The following NR2E1 variants were observed in gnomAD, a reference collection of about 807,000 sequenced individuals.
NR2E1 encodes the protein nuclear receptor TLX.
A neutral mutation model predicts 43.6 loss-of-function variants in NR2E1; 5 were observed. The ratio of observed to expected loss-of-function variants is 0.11; its 90% CI spans 0.06 to 0.24. NR2E1 has a LOEUF of 0.24. NR2E1 is among the 10% of genes least tolerant of loss of function. The pLI is 1.00. For synonymous variants in NR2E1, 191 were observed against 195.5 expected, an observed-to-expected ratio of 0.98 and a Z score of 0.19; for missense variants, 287 against 496.7, an observed-to-expected ratio of 0.58 and a Z score of 4.01.
rs1774097702 is a variant in NR2E1, at chr6:108,187,700, T to A, written c.*237T>A. 8.0e-6 allele frequency: 4 copies of A among 498,150 alleles called. No homozygotes were observed. The East Asian group carries it at 1.5e-4, about 18-fold the overall frequency. The allele number at this position is 498,150 out of a possible 1,614,324, so 30.9% of individuals were successfully genotyped here. ...AGGACCGCCTGCACTGAAAACTCACTGCTGCCATGCCCTGGGAGGGGGCAA... is the reference window on the plus strand; with the variant it reads ...AGGACCGCCTGCACTGAAAACTCACAGCTGCCATGCCCTGGGAGGGGGCAA... On this transcript the variant is annotated 3_prime_UTR_variant, in exon 9 of 9. Transcript: ENST00000368986.
chr6:108,169,114 G>T lies in NR2E1; in HGVS notation c.25+2324G>T, dbSNP rs1200207355. 1.3e-5 allele frequency among the ~76,000 whole-genome samples: 2 copies of T among 152,182 alleles called. No individual in the cohort carries two copies. Among genetic ancestry groups the T allele is most frequent in the Admixed American group, 1.3e-4 (2 of 15,282 alleles). ...GCAACGGGGTCAACCAGCTTGTCTC[G>T]TGACCCCAAGTCACCTTAACGTGGC... On this transcript the variant is annotated intron_variant, in intron 1 of 8. Coordinates refer to ENST00000368986, the MANE Select transcript of NR2E1 (RefSeq NM_003269.5). The surrounding 1 kb of genome is among the most constrained non-coding windows in gnomAD (Gnocchi z 6.1).
intron 3 of NR2E1, among the ~76,000 whole-genome samples, chr6:108,175,241 C>G (rs550658741): frequency 1.3e-5 from 2 of 152,246 alleles, no homozygotes; most frequent in African/African-American, 4.8e-5. Flanking sequence ...GTCCTAATCC[C>G]TCTTTGCAGC....
Position 108,171,616 on chromosome 6 carries a change from G to A in NR2E1, c.171+13G>A, listed in dbSNP as rs1773813409. On this transcript the variant is annotated intron_variant, in intron 2 of 8. Coordinates refer to ENST00000368986, the MANE Select transcript of NR2E1 (RefSeq NM_003269.5). ...ATCTGGAAACCAGGTACCTTAGCCA[G>A]GGCTGCACTGCTGGGCTCCGCTCTG... The A allele has an allele frequency of 6.2e-7, 1 of 1,613,960 alleles. No homozygotes were observed. Among genetic ancestry groups the A allele is most frequent in the African/African-American group, 1.3e-5 (1 of 75,064 alleles).
At chr6:108,167,700 C>G (rs1372442092) in intron 1 of NR2E1, among the ~76,000 whole-genome samples, 1 of 152,132 alleles carries the variant, frequency 6.6e-6, no homozygotes, top group Non-Finnish European at 1.5e-5. Context: ...GGGTCTGAGG[C>G]TGGGGACTAC....
chr6:108,177,334 G>C (rs1350766366), intron 4 of NR2E1, among the ~76,000 whole-genome samples: 1 of 152,228 alleles, frequency 6.6e-6, no homozygotes, highest in Non-Finnish European at 1.5e-5. Context: ...ATTTACAGCA[G>C]GGTTGATTCC....
chr6:108,180,269 T>A lies in NR2E1; in HGVS notation c.643-54T>A. The A allele has an allele frequency of 8.9e-7, 1 of 1,125,968 alleles. No homozygotes were observed. Among genetic ancestry groups the A allele is most frequent in the South Asian group, 1.3e-5 (1 of 75,642 alleles). 69.7% of individuals were successfully genotyped at this position (1,125,968 alleles called of 1,614,324 possible). The stretch of plus-strand genomic sequence containing the variant: ...ATGGAAATTTACATAGTGAAATTGT[T>A]TATAAATTTATAAATTACACACTAT... On this transcript the variant is annotated intron_variant, in intron 5 of 8. Coordinates refer to ENST00000368986, the MANE Select transcript of NR2E1 (RefSeq NM_003269.5). The surrounding 1 kb of genome is among the most constrained non-coding windows in gnomAD (Gnocchi z 5.4).
rs1773899828 is a variant in NR2E1 at position 108,176,497 on chromosome 6, C to T, written c.260-6C>T. 6.2e-7 allele frequency: 1 copy of T among 1,612,692 alleles called. No individual in the cohort carries two copies. ...CCGGCATGCGTTTCTCTGTTTGCCT[C>T]TGCAGCCGTGCAGCACGAGCGGGGG... On this transcript the variant is annotated splice_polypyrimidine_tract_variant and splice_region_variant and intron_variant, in intron 3 of 8. Transcript: ENST00000368986.
In NR2E1 at chr6:108,180,948, T is replaced by G. The variant is rs765051399; in HGVS notation, c.881T>G (p.Phe294Cys). 6.2e-7 allele frequency: 1 copy of G among 1,614,180 alleles called. No homozygotes were observed. The highest frequency in any genetic ancestry group is 1.1e-5 in the South Asian group (1 of 91,082). The change falls in exon 7 of 9, where the codon TTC (phenylalanine) becomes TGC (cysteine). Residue 294 changes from phenylalanine (F) to cysteine (C), a missense_variant. This residue lies in a region of NR2E1 where 119 missense variants were observed against 187.0 expected (regional missense o/e 0.64). Coordinates refer to ENST00000368986, the MANE Select transcript of NR2E1 (RefSeq NM_003269.5). The surrounding 1 kb of genome is among the most constrained non-coding windows in gnomAD (Gnocchi z 5.4). ...EFACLKCIVT[F>C]KAVPTHSGSE... ...GCCTGTCTAAAATGCATCGTCACTTTCAAAGCCGGTAAGCAGACACAGACC... is the reference window on the plus strand; with the variant it reads ...GCCTGTCTAAAATGCATCGTCACTTGCAAAGCCGGTAAGCAGACACAGACC...
intron 8 of NR2E1, 151 bp downstream of exon 8, chr6:108,181,802 C>T (rs1199703657): frequency 1.8e-5 from 13 of 711,128 alleles, no homozygotes; most frequent in African/African-American, 3.5e-5. Flanking sequence ...TTACCTATCT[C>T]TCAGGGTGGG....
In NR2E1 at chr6:108,178,406, C is replaced by A. The variant is rs1773934601; in HGVS notation, c.642+165C>A. Reference sequence around the variant, plus strand: ...TTTTACTTGCTTCTTCCTGTGGGTTCAAAATATCTACCTATATGATCCTTA... The same window carrying A: ...TTTTACTTGCTTCTTCCTGTGGGTTAAAAATATCTACCTATATGATCCTTA... On this transcript the variant is annotated intron_variant, in intron 5 of 8. Transcript: ENST00000368986. Among the ~76,000 whole-genome samples the A allele has an allele frequency of 6.6e-5, 10 of 152,202 alleles. No individual in the cohort carries two copies. The South Asian group carries it at 2.1e-3, about 32-fold the overall frequency.
chr6:108,178,751 C>T (rs1773940863), intron 5 of NR2E1: 1 of 217,844 alleles, frequency 4.6e-6, no homozygotes, highest in Non-Finnish European at 9.4e-6. Flanking sequence ...AACCAAAGGG[C>T]ACAGTGCACA....
chr6:108,176,452 T>G (rs902284888), intron 3 of NR2E1, 51 bp from the exon 4 acceptor site: 1 of 1,565,510 alleles, frequency 6.4e-7, no homozygotes, highest in African/African-American at 1.3e-5. Flanking sequence ...GCAGCGGCTG[T>G]GTCTCGACGT....
Position 108,176,604 on chromosome 6 carries a change from C to A in NR2E1, c.361C>A (p.Pro121Thr). Residue 121 changes from proline (P) to threonine (T), a missense_variant, in exon 4 of 9, where the codon CCC becomes ACC. By Grantham distance (38) the Pro-to-Thr change is conservative. Transcript: ENST00000368986. ...GGAGAACGGGGCCGCCGCGCACTTT[C>A]CCTCGGCGGCGCTCCCTGCGCCGGC... Reference protein sequence around the residue: ...KEENGAAAHFPSAALPAPAFF... With the variant: ...KEENGAAAHFTSAALPAPAFF... The A allele has an allele frequency of 6.2e-7, 1 of 1,612,466 alleles. No homozygotes were observed. The highest frequency in any genetic ancestry group is 8.5e-7 in the Non-Finnish European group (1 of 1,179,836).
chr6:108,183,924 G>T (rs1774034034), intron 8 of NR2E1, among the ~76,000 whole-genome samples: 1 of 152,176 alleles, frequency 6.6e-6, no homozygotes. Flanking sequence ...GGGCACAGTG[G>T]CTCACACCTG....
rs1271108087 is a variant in NR2E1, at chr6:108,169,368, T to C, written c.26-2090T>C. ...GCCCCCACCCTGCACTGGTCTTCCC[T>C]CCACCCTCATCGGGTTCTCCAGAGA... On this transcript the variant is annotated intron_variant, in intron 1 of 8. Transcript: ENST00000368986. The surrounding 1 kb of genome is among the most constrained non-coding windows in gnomAD (Gnocchi z 6.1). Among the ~76,000 whole-genome samples the C allele has an allele frequency of 6.6e-6, 1 of 152,158 alleles. No homozygotes were observed. The highest frequency in any genetic ancestry group is 1.9e-4 in the East Asian group (1 of 5,186).
At chr6:108,170,360 T>C (rs576894080) in intron 1 of NR2E1, among the ~76,000 whole-genome samples, 1 of 152,320 alleles carries the variant, frequency 6.6e-6, no homozygotes, top group South Asian at 2.1e-4. Context: ...AATACTCCCT[T>C]TGTTTTGCGG....
intron 4 of NR2E1, among the ~76,000 whole-genome samples, chr6:108,177,468 C>G (rs1562404918): frequency 6.6e-6 from 1 of 152,234 alleles, no homozygotes; most frequent in Non-Finnish European, 1.5e-5. Context: ...GGATCTCCCT[C>G]AGAGGAGGGC....
chr6:108,188,421 G>A lies in NR2E1; in HGVS notation c.*958G>A, dbSNP rs1361410202. The A allele has an allele frequency of 1.3e-5, 2 of 150,978 alleles. No homozygotes were observed. Among genetic ancestry groups the A allele is most frequent in the Admixed American group, 6.6e-5 (1 of 15,094 alleles). 9.4% of individuals were successfully genotyped at this position (150,978 alleles called of 1,614,324 possible). A position where few individuals can be genotyped will look rare whatever the true frequency, so the allele number is the denominator to read the frequency against. ...CAAGGAGATGAATGAATGCTAAAAGGGTTCTTGACTGATCCATTGCTAACA... is the reference window on the plus strand; with the variant it reads ...CAAGGAGATGAATGAATGCTAAAAGAGTTCTTGACTGATCCATTGCTAACA... On this transcript the variant is annotated 3_prime_UTR_variant, in exon 9 of 9. Transcript: ENST00000368986.
chr6:108,167,132 G>T (rs573863722), intron 1 of NR2E1, among the ~76,000 whole-genome samples: 5 of 152,174 alleles, frequency 3.3e-5, no homozygotes, highest in East Asian at 3.9e-4. Context: ...AGCTCCAGGC[G>T]GTAGCACAAT....
Sources: gnomAD v4.1 joint callset for allele counts (sites outside exome capture counted in the v4.1 genomes callset) on GRCh38, gnomAD v4.1.1 for gene constraint, gnomAD v4.1.1 regional missense constraint, Gnocchi (gnomAD v3.1) non-coding constraint, MANE v1.5 for transcripts, NCBI Gene and HGNC (gene_info 2026-07-23, HGNC 2026-07-21) for gene names.